Variants in CEP128 observed in about 807,000 individuals in gnomAD.
CEP128 encodes the protein centrosomal protein 128, also known as centrosomal protein 128kDa.
In CEP128, 132 loss-of-function variants were observed where a neutral mutation model predicts 156.7. That is an observed-to-expected ratio of 0.84 (90% CI 0.73 to 0.97). The LOEUF is 0.97. CEP128 is among the 50% of genes least tolerant of loss of function. The pLI is 0.00. For synonymous variants in CEP128, 469 were observed against 448.9 expected (o/e 1.04, Z -0.57); for missense variants, 1,252 against 1,281.9 (o/e 0.98, Z 0.36).
exon 15 of CEP128, chr14:80,478,079 C>A (rs1886977937): frequency 6.6e-6 from 1 of 152,044 alleles, no homozygotes; most frequent in African/African-American, 2.4e-5. Flanking sequence ...CCCCTTTTTT[C>A]TGCTTGAATC....
intron 18 of CEP128, among the ~76,000 whole-genome samples, chr14:80,755,464 A>G (rs1297987987): frequency 6.6e-6 from 1 of 152,146 alleles, no homozygotes; most frequent in Admixed American, 6.5e-5. Flanking sequence ...CCAACTCTCA[A>G]TTGGACTTCA....
chr14:80,520,854 GCT>G (rs1193424148), intron 23 of CEP128, among the ~76,000 whole-genome samples: 1 of 151,842 alleles, frequency 6.6e-6, no homozygotes, highest in Non-Finnish European at 1.5e-5. Context: ...ATGGAGTCTC[GCT>G]CTGTCACCCA....
intron 21 of CEP128, among the ~76,000 whole-genome samples, chr14:80,541,054 G>T (rs1376740319): frequency 6.6e-6 from 1 of 152,110 alleles, no homozygotes; most frequent in Non-Finnish European, 1.5e-5. Flanking sequence ...TAGTAAAAAA[G>T]ATCATCAATA....
chr14:80,855,819 A>G (rs1887124371), intron 9 of CEP128, among the ~76,000 whole-genome samples: 1 of 152,216 alleles, frequency 6.6e-6, no homozygotes, highest in Admixed American at 6.5e-5. Flanking sequence ...GAAATATCAC[A>G]GAAGCCTCAA....
intron 6 of CEP128, among the ~76,000 whole-genome samples, chr14:80,901,872 A>C (rs1241732223): frequency 6.6e-6 from 1 of 152,160 alleles, no homozygotes; most frequent in East Asian, 1.9e-4. Flanking sequence ...CATTTTCCAC[A>C]CTACAGCCAG....
intron 13 of CEP128, among the ~76,000 whole-genome samples, chr14:80,817,475 AT>A (rs1295785138): frequency 4.6e-5 from 7 of 152,316 alleles, no homozygotes; most frequent in Admixed American, 3.9e-4. Context: ...AAAGAAAAAC[AT>A]TTTTTTAAAA....
chr14:80,895,708 G>C lies in CEP128; in HGVS notation c.645+10C>G, dbSNP rs1034132545. The C allele has an allele frequency of 1.3e-6, 2 of 1,526,676 alleles. No homozygotes were observed. The highest frequency in any genetic ancestry group is 2.1e-5 in the Admixed American group (1 of 47,228). The allele number at this position is 1,526,676 out of a possible 1,614,324, so 94.6% of individuals were successfully genotyped here. ...TGAAATAAAACTTTTTATTAAAAAA[G>C]AGATCTCACCACTTCTTGTTTCTGG... On this transcript the variant is annotated intron_variant, in intron 8 of 24. Coordinates refer to ENST00000555265, the MANE Select transcript of CEP128 (RefSeq NM_152446.5).
chr14:80,537,443 T>C (rs1425528997), intron 21 of CEP128, among the ~76,000 whole-genome samples: 2 of 152,170 alleles, frequency 1.3e-5, no homozygotes, highest in South Asian at 4.1e-4. Flanking sequence ...AATTGTCTTC[T>C]TTCATATCAT....
At chr14:80,578,985 A>G (rs1891474805) in intron 20 of CEP128, among the ~76,000 whole-genome samples, 1 of 152,200 alleles carries the variant, frequency 6.6e-6, no homozygotes, top group Non-Finnish European at 1.5e-5. Context: ...ACATTTCAGT[A>G]GAAAATGCTG....
At chr14:80,651,085 T>G (rs920005945) in intron 19 of CEP128, among the ~76,000 whole-genome samples, 4 of 152,158 alleles carry the variant, frequency 2.6e-5, no homozygotes, top group African/African-American at 9.7e-5. Flanking sequence ...AATTACTGCC[T>G]CAATTTGAGA....
chr14:80,680,139 C>A (rs1452443055), intron 19 of CEP128, among the ~76,000 whole-genome samples: 2 of 152,130 alleles, frequency 1.3e-5, no homozygotes, highest in Non-Finnish European at 2.9e-5. Context: ...GTAGCAAGCG[C>A]TGGAATTCGG....
At chr14:80,701,614 A>T (rs549783229) in intron 19 of CEP128, among the ~76,000 whole-genome samples, 1 of 152,308 alleles carries the variant, frequency 6.6e-6, no homozygotes, top group Admixed American at 6.5e-5. Flanking sequence ...TCTTGGCCCA[A>T]GACAGACTAA....
At chr14:80,958,997 A>G (rs1886868212) in intron 1 of CEP128, among the ~76,000 whole-genome samples, 1 of 152,104 alleles carries the variant, frequency 6.6e-6, no homozygotes, top group East Asian at 1.9e-4. Flanking sequence ...GCCGAGAACA[A>G]CTCTTTCTAA....
chr14:80,845,941 A>G (rs1316267253), intron 9 of CEP128, among the ~76,000 whole-genome samples: 1 of 152,164 alleles, frequency 6.6e-6, no homozygotes, highest in Non-Finnish European at 1.5e-5. Flanking sequence ...ATAGAAATTG[A>G]ACAAATCCTG....
chr14:80,639,881 A>G (rs1894339880), intron 19 of CEP128, among the ~76,000 whole-genome samples: 1 of 152,164 alleles, frequency 6.6e-6, no homozygotes, highest in South Asian at 2.1e-4. Flanking sequence ...CAAACAACCA[A>G]GTTAAACGCA....
chr14:80,869,892 T>C (rs971096522), intron 8 of CEP128, among the ~76,000 whole-genome samples: 2 of 151,870 alleles, frequency 1.3e-5, no homozygotes, highest in Admixed American at 6.6e-5. Context: ...CTCAAGTCAA[T>C]AAAATCAAAA....
chr14:80,547,785 C>T (rs1195680370), intron 21 of CEP128, among the ~76,000 whole-genome samples: 2 of 148,550 alleles, frequency 1.3e-5, no homozygotes, highest in Non-Finnish European at 3.0e-5. Flanking sequence ...CAAAAGCCTA[C>T]AAGGGAGAGG....
chr14:80,785,758 G>A (rs902819809), intron 14 of CEP128, among the ~76,000 whole-genome samples: 2 of 152,014 alleles, frequency 1.3e-5, no homozygotes, highest in African/African-American at 4.8e-5. Flanking sequence ...GCAACACACT[G>A]AAATATGTAT....
At chr14:80,893,480 T>C (rs908063616) in intron 8 of CEP128, among the ~76,000 whole-genome samples, 2 of 147,764 alleles carry the variant, frequency 1.4e-5, no homozygotes, top group East Asian at 3.9e-4. Context: ...AGTAAGTACA[T>C]TTTAGCTGTT....
Sources: allele counts gnomAD v4.1 joint callset (sites outside exome capture counted in the v4.1 genomes callset), GRCh38; gene constraint gnomAD v4.1.1; transcripts MANE v1.5; gene names NCBI Gene and HGNC (gene_info 2026-07-23, HGNC 2026-07-21).